ITGA2: variants seen among roughly 807,000 people sequenced by gnomAD.
ITGA2 encodes the protein integrin alpha-2.
ITGA2 carries 101 observed loss-of-function variants against 146.3 expected under a neutral mutation model. The observed-to-expected ratio is 0.69, with a 90% CI of 0.59 to 0.81. The LOEUF (loss-of-function observed/expected upper bound fraction) is 0.81. ITGA2 is among the 40% of genes least tolerant of loss of function. The probability of loss-of-function intolerance (pLI) is 0.00; values close to 1 mark genes in which losing one functional copy is unlikely to be tolerated. For missense variants in ITGA2, 1,281 were observed against 1,402.7 expected (o/e 0.91, Z 1.39); for synonymous variants, 477 against 487.1 (o/e 0.98, Z 0.27).
rs981016313 is a variant in ITGA2 at position 53,061,001 on chromosome 5, T to A, written c.1413T>A (p.Asn471Lys). ...YTGQIVLYSV[N>K]ENGNITVIQA... ...GCCAGATAGTGCTATATAGTGTGAA[T>A]GAGAATGGCAATATCACGGTTATTC... Residue 471 changes from asparagine (N) to lysine (K), a missense_variant, in exon 12 of 30, where the codon AAT becomes AAA. By Grantham distance (94) the Asn-to-Lys change is moderately conservative. Around this residue, in one of 3 missense-constraint regions of ITGA2, gnomAD observed 795 missense variants for 841.7 expected, o/e 0.94. Coordinates refer to ENST00000296585, the MANE Select transcript of ITGA2 (RefSeq NM_002203.4). 6.2e-7 allele frequency: 1 copy of A among 1,612,344 alleles called. No individual in the cohort carries two copies. The highest frequency in any genetic ancestry group is 8.5e-7 in the Non-Finnish European group (1 of 1,178,844).
chr5:53,041,281 T>C (rs1579839008), intron 2 of ITGA2, among the ~76,000 whole-genome samples: 2 of 152,084 alleles, frequency 1.3e-5, no homozygotes, highest in Non-Finnish European at 2.9e-5. Flanking sequence ...ACCCATATTC[T>C]CTAGGTGAAG....
At chr5:53,080,989 C>T (rs188560853) in intron 25 of ITGA2, among the ~76,000 whole-genome samples, 63 of 152,238 alleles carry the variant, frequency 4.1e-4, no homozygotes, top group African/African-American at 1.1e-3. Flanking sequence ...CCTGGACTTT[C>T]GCCTGGTAAT....
rs577542995 is a variant in ITGA2, at chr5:53,090,837, A to C, written c.*238A>C. 2.2e-5 allele frequency: 13 copies of C among 602,086 alleles called. No homozygotes were observed. The African/African-American group carries it at 2.4e-4, about 11-fold the overall frequency. The allele number at this position is 602,086 out of a possible 1,614,324, so 37.3% of individuals were successfully genotyped here. On this transcript the variant is annotated 3_prime_UTR_variant, in exon 30 of 30. Coordinates refer to ENST00000296585, the MANE Select transcript of ITGA2 (RefSeq NM_002203.4). The stretch of plus-strand genomic sequence containing the variant: ...AATACCTATTTTATATGATGGGGGA[A>C]AAAAAGTAATCTTTAAACTGGCTGG...
rs34778415 is a variant in ITGA2 at position 53,080,929 on chromosome 5, C to CA, written c.3039+309dup. Among the ~76,000 whole-genome samples, 388 of 152,218 alleles carry CA rather than the reference C, an allele frequency of 2.5e-3. 2 individuals are homozygous for CA. The highest frequency in any genetic ancestry group is 4.0e-3 in the Non-Finnish European group (271 of 68,000). On this transcript the variant is annotated intron_variant, in intron 25 of 29. Transcript: ENST00000296585. ...TAAGGGGCTGGACCTATATGGGGAGCATAGCAGGTCTTCACAGCTGTGATA... is the reference window on the plus strand; with the variant it reads ...TAAGGGGCTGGACCTATATGGGGAGCAATAGCAGGTCTTCACAGCTGTGATA...
intron 2 of ITGA2, 39 bp downstream of exon 2, chr5:53,026,907 C>G: frequency 6.4e-7 from 1 of 1,565,846 alleles, no homozygotes; most frequent in Non-Finnish European, 8.8e-7. Flanking sequence ...AGTAAAAATA[C>G]AAAATAAATT....
In ITGA2 at chr5:53,070,168, G is replaced by A; in HGVS notation, c.2143G>A (p.Gly715Arg). 1 of 1,611,258 alleles carries A rather than the reference G, an allele frequency of 6.2e-7. No individual in the cohort carries two copies. The highest frequency in any genetic ancestry group is 8.5e-7 in the Non-Finnish European group (1 of 1,178,240). ...ATTTTCATCCAGAGTAACCTCCAGG[G>A]GGTTATTTAAAGAAAACAATGAAAG... is the stretch of plus-strand genomic sequence containing the variant. ...DGFSSRVTSR[G>R]LFKENNERCL... The change falls in exon 17 of 30, where the codon GGG becomes AGG. Residue 715 changes from glycine (G) to arginine (R), a missense_variant. Gly to Arg is a moderately radical substitution (Grantham distance 125, BLOSUM62 -2). Transcript: ENST00000296585.
At chr5:53,064,885 A>G (rs1484002528) in intron 13 of ITGA2, 27 bp from the exon 14 acceptor site, 1 of 1,604,252 alleles carries the variant, frequency 6.2e-7, no homozygotes, top group Non-Finnish European at 8.5e-7. Context: ...GTTTGCTTTA[A>G]TCATCCTTTT....
chr5:53,064,994 C>A lies in ITGA2; in HGVS notation c.1685C>A (p.Ser562Ter). The A allele has an allele frequency of 6.2e-7, 1 of 1,612,954 alleles. No homozygotes were observed. The highest frequency in any genetic ancestry group is 1.1e-5 in the South Asian group (1 of 91,072). ...TRFGSAIAAL[S>*]DINMDGFNDV... The stretch of plus-strand genomic sequence containing the variant: ...TTTGGTTCAGCAATTGCAGCTCTTT[C>A]AGACATCAACATGGATGGCTTTAAT... Residue 562 changes from serine (S) to a stop codon, truncating the protein, a stop_gained, in exon 14 of 30, where the codon TCA becomes TAA. Transcript: ENST00000296585. LOFTEE classifies it high-confidence loss of function.
chr5:53,011,229 G>A (rs925014543), intron 1 of ITGA2, among the ~76,000 whole-genome samples: 2 of 152,168 alleles, frequency 1.3e-5, no homozygotes, highest in Non-Finnish European at 2.9e-5. Context: ...GAGACCCATA[G>A]AGGACTGTCT....
At position 53,075,043 on chromosome 5, in the gene ITGA2, T is replaced by C. The variant is rs1328912872; in HGVS notation, c.2665-18T>C. On this transcript the variant is annotated intron_variant, in intron 21 of 29. Coordinates refer to ENST00000296585, the MANE Select transcript of ITGA2 (RefSeq NM_002203.4). ...GTATGAAGCATCATAGACTGAGAAA[T>C]TTTAATTTTGTCTTTAGGTGACTTT... is the stretch of plus-strand genomic sequence containing the variant. 1 of 1,570,122 alleles carries C rather than the reference T, an allele frequency of 6.4e-7. No individual in the cohort carries two copies. Among genetic ancestry groups the C allele is most frequent in the African/African-American group, 1.4e-5 (1 of 73,904 alleles).
At chr5:53,031,112 C>G (rs1743200521) in intron 2 of ITGA2, among the ~76,000 whole-genome samples, 1 of 152,176 alleles carries the variant, frequency 6.6e-6, no homozygotes, top group Admixed American at 6.5e-5. Context: ...GGCCCTGTGC[C>G]CTTCTCTACT....
intron 1 of ITGA2, among the ~76,000 whole-genome samples, chr5:53,025,684 T>C (rs1171691910): frequency 3.9e-5 from 6 of 152,244 alleles, no homozygotes; most frequent in Non-Finnish European, 8.8e-5. Flanking sequence ...CTTGCAATGC[T>C]GCCTAGAAAG....
intron 20 of ITGA2, among the ~76,000 whole-genome samples, chr5:53,073,944 TAAAAAAA>T (rs376587596): frequency 6.0e-4 from 41 of 67,816 alleles, no homozygotes; most frequent in African/African-American, 1.9e-3. Context: ...TGAAGAAAAC[TAAAAAAA>T]AAAAAAAAAA....
chr5:53,038,145 CCAAA>C (rs1477252824), intron 2 of ITGA2, among the ~76,000 whole-genome samples: 1 of 150,078 alleles, frequency 6.7e-6, no homozygotes, highest in Non-Finnish European at 1.5e-5. Context: ...GAGAAAAAAA[CCAAA>C]CAGTCTTCTC....
Position 53,092,601 on chromosome 5 carries a change from C to T in ITGA2, c.*2002C>T, listed in dbSNP as rs1325263164. On this transcript the variant is annotated 3_prime_UTR_variant, in exon 30 of 30. Transcript: ENST00000296585. ...TTTTAACAGCTGTGAGAATTTGCTG[C>T]TTCATTCCAACAAAATTTTATTTAA... The T allele has an allele frequency of 6.7e-6, 1 of 149,128 alleles. No individual in the cohort carries two copies. The highest frequency in any genetic ancestry group is 1.5e-5 in the Non-Finnish European group (1 of 67,658). The allele number at this position is 149,128 out of a possible 1,614,324, so 9.2% of individuals were successfully genotyped here. A position where few individuals can be genotyped will look rare whatever the true frequency, so the allele number is the denominator to read the frequency against.
intron 1 of ITGA2, among the ~76,000 whole-genome samples, chr5:52,989,861 T>C (rs569915648): frequency 6.7e-6 from 1 of 149,498 alleles, no homozygotes; most frequent in Non-Finnish European, 1.5e-5. Flanking sequence ...CACTCAAGCA[T>C]GGACAGTGTG....
chr5:53,041,467 G>C (rs1743795560), intron 2 of ITGA2, among the ~76,000 whole-genome samples: 1 of 152,152 alleles, frequency 6.6e-6, no homozygotes, highest in South Asian at 2.1e-4. Flanking sequence ...TAAGATATCT[G>C]CTCTCTAAAT....
intron 1 of ITGA2, among the ~76,000 whole-genome samples, chr5:53,004,646 G>A (rs537283960): frequency 8.5e-5 from 13 of 152,176 alleles, no homozygotes; most frequent in African/African-American, 3.1e-4. Context: ...CTTAGTGACT[G>A]TAAAGTTTGA....
intron 3 of ITGA2, among the ~76,000 whole-genome samples, chr5:53,043,373 T>C (rs957144535): frequency 6.6e-6 from 1 of 152,184 alleles, no homozygotes; most frequent in Non-Finnish European, 1.5e-5. Flanking sequence ...GCTATATACA[T>C]GTACTGGCCT....
Sources: gnomAD v4.1 joint callset for allele counts (sites outside exome capture counted in the v4.1 genomes callset) on GRCh38, gnomAD v4.1.1 for gene constraint, gnomAD v4.1.1 regional missense constraint, MANE v1.5 for transcripts, NCBI Gene and HGNC (gene_info 2026-07-23, HGNC 2026-07-21) for gene names.